SIN3A: variants seen among roughly 807,000 people sequenced by gnomAD.
The protein encoded by SIN3A is paired amphipathic helix protein Sin3a.
A neutral mutation model predicts 146.1 loss-of-function variants in SIN3A; 14 were observed. The ratio of observed to expected loss-of-function variants is 0.10; its 90% CI spans 0.06 to 0.15. SIN3A has a LOEUF of 0.15. Among genes scored for constraint, SIN3A ranks in the 10% least tolerant of loss-of-function variants. The pLI, the probability that SIN3A is intolerant of heterozygous loss-of-function variation, is 1.00. For missense variants in SIN3A, 1,028 were observed against 1,576.0 expected (o/e 0.65, Z 5.89); for synonymous variants, 572 against 572.0 (o/e 1.00, Z 0.00).
intron 12 of SIN3A, among the ~76,000 whole-genome samples, chr15:75,397,281 G>C (rs999351144): frequency 6.6e-6 from 1 of 152,170 alleles, no homozygotes; most frequent in African/African-American, 2.4e-5. Context: ...GTAGTCATTT[G>C]GTCAATATTT....
chr15:75,427,164 G>C (rs2073938940), intron 2 of SIN3A, among the ~76,000 whole-genome samples: 1 of 150,680 alleles, frequency 6.6e-6, no homozygotes, highest in African/African-American at 2.4e-5. Flanking sequence ...CTTAAAACCA[G>C]GAGTTTAAGA....
At chr15:75,415,910 G>A in intron 3 of SIN3A, 1 of 289,924 alleles carries the variant, frequency 3.4e-6, no homozygotes, top group Non-Finnish European at 6.7e-6. Context: ...GGTACCCAAA[G>A]GGAAAAAGGA....
In SIN3A at chr15:75,370,684, T is replaced by C. The variant is rs1200537746; in HGVS notation, c.*1295A>G. On this transcript the variant is annotated 3_prime_UTR_variant, in exon 21 of 21. Transcript: ENST00000394947. ...ACCAATGTGAATAAGAAAAAATATA[T>C]AGAAATACAAACTACATAGCTTGAC... is the stretch of plus-strand genomic sequence containing the variant. The C allele has an allele frequency of 6.6e-6, 1 of 152,118 alleles. No individual in the cohort carries two copies. Among genetic ancestry groups the C allele is most frequent in the Admixed American group, 6.6e-5 (1 of 15,266 alleles). The allele number at this position is 152,118 out of a possible 1,614,324, so 9.4% of individuals were successfully genotyped here.
At chr15:75,430,858 A>C (rs1254925236) in intron 1 of SIN3A, among the ~76,000 whole-genome samples, 1 of 151,644 alleles carries the variant, frequency 6.6e-6, no homozygotes, top group Non-Finnish European at 1.5e-5. Flanking sequence ...TCACTGCAAG[A>C]TCCACCTCCC....
chr15:75,441,421 T>A (rs1038303832), intron 1 of SIN3A, among the ~76,000 whole-genome samples: 1 of 152,124 alleles, frequency 6.6e-6, no homozygotes, highest in African/African-American at 2.4e-5. Flanking sequence ...TCCTCCCACC[T>A]CAGCTTCCTA....
chr15:75,390,116 C>T (rs2073170587), intron 15 of SIN3A, among the ~76,000 whole-genome samples: 1 of 152,104 alleles, frequency 6.6e-6, no homozygotes, highest in Admixed American at 6.5e-5. Flanking sequence ...AGGAAAATAT[C>T]CTAGGGAAGC....
chr15:75,451,246 G>T (rs1321215220), intron 1 of SIN3A, 177 bp downstream of exon 1: 1 of 33,322 alleles, frequency 3.0e-5, no homozygotes, highest in Admixed American at 4.0e-4. Context: ...TCCCCCTCCC[G>T]CGCGGAGAGC....
chr15:75,386,294 C>T (rs1002527442), intron 16 of SIN3A, among the ~76,000 whole-genome samples: 3 of 152,234 alleles, frequency 2.0e-5, no homozygotes, highest in African/African-American at 7.2e-5. Context: ...TCCCAAACTG[C>T]TGGGATTACA....
rs774305604 is a variant in SIN3A at position 75,410,240 on chromosome 15, G to C, written c.1055C>G (p.Ala352Gly). Residue 352 changes from alanine to glycine, a missense_variant, in exon 7 of 21, where the codon GCA (alanine) becomes GGA (glycine). Transcript: ENST00000394947. ...AKEAGGNYTPALTEQEVYAQV... is the reference protein window; with the variant it reads ...AKEAGGNYTPGLTEQEVYAQV... ...GGCATACACCTCCTGCTCTGTCAAT[G>C]CTGGAGTGTAGTTTCCTCCAGCTTC... The C allele has an allele frequency of 6.2e-7, 1 of 1,613,930 alleles. No individual in the cohort carries two copies. Among genetic ancestry groups the C allele is most frequent in the Non-Finnish European group, 8.5e-7 (1 of 1,179,906 alleles).
At chr15:75,400,209 G>T in intron 11 of SIN3A, 53 bp from the exon 12 acceptor site, 1 of 958,976 alleles carries the variant, frequency 1.0e-6, no homozygotes, top group South Asian at 1.4e-5. Flanking sequence ...GCTTTCTGGT[G>T]ATTAAGCATT....
intron 19 of SIN3A, among the ~76,000 whole-genome samples, chr15:75,376,765 T>G (rs1595886186): frequency 7.0e-6 from 1 of 143,826 alleles, no homozygotes. Context: ...GAGGCTGAGG[T>G]GGGAAGATCG....
intron 3 of SIN3A, chr15:75,419,416 G>A (rs1156681399): frequency 6.6e-6 from 1 of 152,176 alleles, no homozygotes; most frequent in Admixed American, 6.5e-5. Flanking sequence ...AACTACTGCA[G>A]AGACGGAAAA....
Position 75,406,998 on chromosome 15 carries a change from G to C in SIN3A, c.1407+57C>G, listed in dbSNP as rs941415074. 8.1e-6 allele frequency: 10 copies of C among 1,240,878 alleles called. No homozygotes were observed. The African/African-American group carries it at 1.3e-4, about 17-fold the overall frequency. 76.9% of individuals were successfully genotyped at this position (1,240,878 alleles called of 1,614,324 possible). A position where few individuals can be genotyped will look rare whatever the true frequency, so the allele number is the denominator to read the frequency against. On this transcript the variant is annotated intron_variant, in intron 9 of 20. Transcript: ENST00000394947. ...AAAACGAAACCTTCCAGGGGGATAA[G>C]ATGATTTTCTTTTGGCATTAACAGG...
In SIN3A at chr15:75,371,869, A is replaced by G; in HGVS notation, c.*110T>C. ...CAGGTCAGGTGGCCATGTCCCAGAG[A>G]GGCCCAGTGAGGCTTGAAAGGCATC... On this transcript the variant is annotated 3_prime_UTR_variant, in exon 21 of 21. Transcript: ENST00000394947. 1.1e-6 allele frequency: 1 copy of G among 948,626 alleles called. No individual in the cohort carries two copies. The highest frequency in any genetic ancestry group is 2.3e-5 in the Admixed American group (1 of 43,978). 58.8% of individuals were successfully genotyped at this position (948,626 alleles called of 1,614,324 possible).
chr15:75,371,867 A>G lies in SIN3A; in HGVS notation c.*112T>C. The G allele has an allele frequency of 1.1e-6, 1 of 943,954 alleles. No individual in the cohort carries two copies. The allele number at this position is 943,954 out of a possible 1,614,324, so 58.5% of individuals were successfully genotyped here. ...CACAGGTCAGGTGGCCATGTCCCAGAGAGGCCCAGTGAGGCTTGAAAGGCA... is the reference window on the plus strand; with the variant it reads ...CACAGGTCAGGTGGCCATGTCCCAGGGAGGCCCAGTGAGGCTTGAAAGGCA... On this transcript the variant is annotated 3_prime_UTR_variant, in exon 21 of 21. Transcript: ENST00000394947.
intron 1 of SIN3A, among the ~76,000 whole-genome samples, chr15:75,449,107 C>A (rs568521131): frequency 6.6e-6 from 1 of 152,214 alleles, no homozygotes; most frequent in Non-Finnish European, 1.5e-5. Flanking sequence ...ATCATGGGAA[C>A]TATATATGTA....
chr15:75,375,926 G>A (rs2072847082), intron 19 of SIN3A, 54 bp from the exon 20 acceptor site: 1 of 1,570,078 alleles, frequency 6.4e-7, no homozygotes, highest in African/African-American at 1.4e-5. Context: ...AGATTCCCGT[G>A]ACTTCCCCAA....
rs924717585 is a variant in SIN3A at position 75,451,166 on chromosome 15, C to A, written c.-34+257G>T. ...CCCTTTCTCCACAATCGCACGCGCG[C>A]GCCGGCCCCGCCTCTGAGCGGCGGC... On this transcript the variant is annotated intron_variant, in intron 1 of 20. Transcript: ENST00000394947. 7.6e-4 allele frequency among the ~76,000 whole-genome samples: 114 copies of A among 150,848 alleles called. 1 individual carries two copies. Among genetic ancestry groups the A allele is most frequent in the Admixed American group, 1.2e-3 (19 of 15,206 alleles).
intron 4 of SIN3A, among the ~76,000 whole-genome samples, chr15:75,413,535 TG>T (rs1435958486): frequency 6.8e-6 from 1 of 147,898 alleles, no homozygotes; most frequent in Non-Finnish European, 1.5e-5. Flanking sequence ...CAAAGATACT[TG>T]GCCACAATTT....
Sources: gnomAD v4.1 joint callset for allele counts (sites outside exome capture counted in the v4.1 genomes callset) on GRCh38, gnomAD v4.1.1 for gene constraint, MANE v1.5 for transcripts, NCBI Gene and HGNC (gene_info 2026-07-23, HGNC 2026-07-21) for gene names.